Variants in RHOA observed in about 807,000 individuals in gnomAD.
The protein encoded by RHOA is transforming protein RhoA.
RHOA carries 3 observed loss-of-function variants against 17.5 expected under a neutral mutation model. The observed-to-expected ratio is 0.17, with a 90% CI of 0.08 to 0.44. The LOEUF is 0.44. Ranked by LOEUF, RHOA falls within the 20% of genes least tolerant of loss-of-function variation. The probability of loss-of-function intolerance (pLI) is 0.99; values close to 1 mark genes in which losing one functional copy is unlikely to be tolerated. For synonymous variants in RHOA, 98 were observed against 88.4 expected (o/e 1.11, Z -0.61); for missense variants, 56 against 242.3 (o/e 0.23, Z 5.10).
intron 1 of RHOA, among the ~76,000 whole-genome samples, chr3:49,397,262 A>G (rs556427275): frequency 6.6e-6 from 1 of 152,190 alleles, no homozygotes; most frequent in Admixed American, 6.5e-5. Flanking sequence ...CAGAATAGGC[A>G]AATCTATAGA....
At chr3:49,402,996 C>T (rs1226072367) in intron 1 of RHOA, among the ~76,000 whole-genome samples, 1 of 149,794 alleles carries the variant, frequency 6.7e-6, no homozygotes, top group East Asian at 2.0e-4. Context: ...GAGATCGTGC[C>T]ACTGCACTGC....
At chr3:49,367,231 T>C (rs2048070020) in intron 3 of RHOA, among the ~76,000 whole-genome samples, 1 of 150,294 alleles carries the variant, frequency 6.7e-6, no homozygotes. Context: ...TAGTCCCAGC[T>C]ACTTGGGTGG....
intron 1 of RHOA, among the ~76,000 whole-genome samples, chr3:49,411,336 G>A (rs965405953): frequency 1.3e-5 from 2 of 152,180 alleles, no homozygotes. Flanking sequence ...AAGTGTAACT[G>A]GACTTTAATC....
At chr3:49,409,317 C>T (rs1167596609) in intron 1 of RHOA, among the ~76,000 whole-genome samples, 1 of 151,976 alleles carries the variant, frequency 6.6e-6, no homozygotes, top group African/African-American at 2.4e-5. Flanking sequence ...ATCACTTGAA[C>T]CCAGGAGGCA....
chr3:49,391,050 C>T lies in RHOA; in HGVS notation c.-2-15459G>A, dbSNP rs2048494038. Among the ~76,000 whole-genome samples the T allele has an allele frequency of 3.3e-5, 5 of 151,672 alleles. No individual in the cohort carries two copies. In the South Asian group the frequency reaches 1.0e-3, roughly 32 times the overall value. On this transcript the variant is annotated intron_variant, in intron 1 of 4. Coordinates refer to ENST00000418115, the MANE Select transcript of RHOA (RefSeq NM_001664.4). ...TGGCTAACACGGTGAAACCCCGTCT[C>T]TACTAAAAATACAAAAAACTAGCCA...
At chr3:49,360,415 A>C in intron 4 of RHOA, 33 bp from the exon 5 acceptor site, 1 of 1,592,376 alleles carries the variant, frequency 6.3e-7, no homozygotes, top group Non-Finnish European at 8.5e-7. Context: ...CCTTTTAGCT[A>C]ATAGTGTGGC....
intron 1 of RHOA, among the ~76,000 whole-genome samples, chr3:49,397,184 T>TA (rs2048630587): frequency 6.6e-6 from 1 of 150,934 alleles, no homozygotes; most frequent in Non-Finnish European, 1.5e-5. Context: ...GATGAACCTT[T>TA]AAAACATTGC....
chr3:49,371,346 C>T (rs1249882389), intron 2 of RHOA, among the ~76,000 whole-genome samples: 5 of 151,192 alleles, frequency 3.3e-5, no homozygotes, highest in Non-Finnish European at 7.4e-5. Flanking sequence ...GTGGCGCAGT[C>T]TCAGTTCACT....
Position 49,373,888 on chromosome 3 carries a change from AAAAC to A in RHOA, c.156+1542_156+1545del, listed in dbSNP as rs752953776. Reference sequence around the variant, plus strand: ...AAGCAGAAGATTAAAAAAAAAAACAAAAACAAACCAAAACCAAAATTAAAACCCA... The same window carrying A: ...AAGCAGAAGATTAAAAAAAAAAACAAAAACCAAAACCAAAATTAAAACCCA... On this transcript the variant is annotated intron_variant, in intron 2 of 4. Transcript: ENST00000418115. Among the ~76,000 whole-genome samples, 7 of 152,068 alleles carry A rather than the reference AAAAC, an allele frequency of 4.6e-5. No individual in the cohort carries two copies. In the East Asian group the frequency reaches 5.8e-4, roughly 13 times the overall value.
chr3:49,391,555 T>C (rs1358089900), intron 1 of RHOA, among the ~76,000 whole-genome samples: 4 of 152,128 alleles, frequency 2.6e-5, no homozygotes, highest in Non-Finnish European at 5.9e-5. Context: ...GTGACTTTCT[T>C]TTTTTAAGAC....
chr3:49,391,766 CT>C (rs1183920072), intron 1 of RHOA, among the ~76,000 whole-genome samples: 16 of 152,008 alleles, frequency 1.1e-4, no homozygotes, highest in Admixed American at 1.1e-3. Flanking sequence ...CCACCTCAGC[CT>C]CCCAAAGTGC....
At chr3:49,386,847 T>A (rs527773055) in intron 1 of RHOA, among the ~76,000 whole-genome samples, 1 of 152,044 alleles carries the variant, frequency 6.6e-6, no homozygotes, top group Non-Finnish European at 1.5e-5. Flanking sequence ...GCGTGGCAGC[T>A]CACGCCTGTA....
At chr3:49,394,742 A>G (rs1191807720) in intron 1 of RHOA, among the ~76,000 whole-genome samples, 1 of 152,180 alleles carries the variant, frequency 6.6e-6, no homozygotes, top group African/African-American at 2.4e-5. Context: ...AGCACAATGT[A>G]ATTAAGTGCT....
intron 1 of RHOA, among the ~76,000 whole-genome samples, chr3:49,389,801 G>A (rs933122063): frequency 6.6e-6 from 1 of 151,934 alleles, no homozygotes; most frequent in African/African-American, 2.4e-5. Context: ...GCCGGGCGTG[G>A]TGGCAGGTGC....
At chr3:49,385,475 C>CA (rs1189145423) in intron 1 of RHOA, among the ~76,000 whole-genome samples, 1 of 152,058 alleles carries the variant, frequency 6.6e-6, no homozygotes, top group Non-Finnish European at 1.5e-5. Context: ...CTCGGCCTCC[C>CA]AAAGTGCTAG....
intron 1 of RHOA, among the ~76,000 whole-genome samples, chr3:49,377,207 G>A (rs904838716): frequency 1.2e-4 from 18 of 152,240 alleles, no homozygotes; most frequent in African/African-American, 2.9e-4. Context: ...GAAGCAGGAG[G>A]AATGCTCAGG....
intron 3 of RHOA, among the ~76,000 whole-genome samples, chr3:49,367,901 G>GTAATAA (rs1045285718): frequency 2.0e-5 from 3 of 151,418 alleles, no homozygotes; most frequent in East Asian, 3.9e-4. Context: ...ATATTATTTA[G>GTAATAA]TAATAATAAT....
intron 1 of RHOA, among the ~76,000 whole-genome samples, chr3:49,392,715 G>A (rs1026641601): frequency 6.6e-6 from 1 of 152,166 alleles, no homozygotes; most frequent in Non-Finnish European, 1.5e-5. Context: ...ATAGCCACAT[G>A]TGGCTGGGAG....
chr3:49,364,673 T>TA (rs2048026374), intron 3 of RHOA, among the ~76,000 whole-genome samples: 2 of 151,430 alleles, frequency 1.3e-5, no homozygotes, highest in Non-Finnish European at 2.9e-5. Context: ...AATAAATAAA[T>TA]AAATAAATAA....
Sources: gnomAD v4.1 joint callset for allele counts (sites outside exome capture counted in the v4.1 genomes callset) on GRCh38, gnomAD v4.1.1 for gene constraint, MANE v1.5 for transcripts, NCBI Gene and HGNC (gene_info 2026-07-23, HGNC 2026-07-21) for gene names.